UGT1A10: variants seen among roughly 807,000 people sequenced by gnomAD.
UGT1A10 encodes UDP glucuronosyltransferase family 1 member A10, also known as UDP-glucuronosyltransferase 1A10.
A neutral mutation model predicts 45.8 loss-of-function variants in UGT1A10; 49 were observed. The ratio of observed to expected loss-of-function variants is 1.07; its 90% CI spans 0.85 to 1.36. The LOEUF is 1.36. UGT1A10 is among the 40% of genes most tolerant of loss of function. The probability of loss-of-function intolerance (pLI) is 0.00; values close to 1 mark genes in which losing one functional copy is unlikely to be tolerated. For synonymous variants in UGT1A10, 284 were observed against 249.7 expected (o/e 1.14, Z -1.29); for missense variants, 745 against 668.6 (o/e 1.11, Z -1.26).
chr2:233,713,488 C>T (rs758374226), intron 1 of UGT1A10: 11 of 1,613,830 alleles, frequency 6.8e-6, no homozygotes, highest in Admixed American at 5.0e-5. Flanking sequence ...AAGTACCTGT[C>T]GATTCCTGCT....
rs1162571457 is a variant in UGT1A10, at chr2:233,687,640, C to T, written c.855+50263C>T. On this transcript the variant is annotated intron_variant, in intron 1 of 4. Transcript: ENST00000344644. ...AAAAAAGGCTGAGTGTGGTGGCTCA[C>T]ACATGTAATCACAGCACTTTAGGAG... Among the ~76,000 whole-genome samples the T allele has an allele frequency of 2.7e-5, 4 of 148,300 alleles. No homozygotes were observed. The South Asian group carries it at 6.4e-4, about 24-fold the overall frequency.
intron 1 of UGT1A10, 104 bp from the exon 2 acceptor site, chr2:233,766,930 T>G: frequency 1.9e-6 from 3 of 1,580,254 alleles, no homozygotes; most frequent in Admixed American, 1.8e-5. Flanking sequence ...ACGCATGCCT[T>G]TAATCATAGT....
chr2:233,652,061 G>A (rs2073756611), intron 1 of UGT1A10, among the ~76,000 whole-genome samples: 1 of 152,184 alleles, frequency 6.6e-6, no homozygotes, highest in Non-Finnish European at 1.5e-5. Flanking sequence ...TTGATGACTA[G>A]GTCCAGTAGG....
At chr2:233,681,083 C>G (rs1479456676) in intron 1 of UGT1A10, among the ~76,000 whole-genome samples, 1 of 151,734 alleles carries the variant, frequency 6.6e-6, no homozygotes, top group South Asian at 2.1e-4. Flanking sequence ...TGTGGCTCAC[C>G]TGTGTCTCTG....
chr2:233,647,158 G>A (rs918206406), intron 1 of UGT1A10, among the ~76,000 whole-genome samples: 3 of 152,098 alleles, frequency 2.0e-5, no homozygotes, highest in Non-Finnish European at 4.4e-5. Flanking sequence ...AACATCACGG[G>A]AAACGCCCAG....
intron 1 of UGT1A10, among the ~76,000 whole-genome samples, chr2:233,746,568 A>G (rs1299748110): frequency 6.6e-6 from 1 of 151,704 alleles, no homozygotes; most frequent in Non-Finnish European, 1.5e-5. Flanking sequence ...AGAGCACCAC[A>G]CCCTGTAATT....
intron 1 of UGT1A10, among the ~76,000 whole-genome samples, chr2:233,658,562 A>G (rs1351732754): frequency 1.3e-5 from 2 of 152,122 alleles, no homozygotes; most frequent in South Asian, 2.1e-4. Flanking sequence ...TGACTTTGAC[A>G]GTTTTGAGCA....
chr2:233,762,045 A>C (rs187851388), intron 1 of UGT1A10, among the ~76,000 whole-genome samples: 1 of 151,840 alleles, frequency 6.6e-6, no homozygotes, highest in African/African-American at 2.4e-5. Flanking sequence ...TTTTCTGTGC[A>C]TTTTCCTTCA....
chr2:233,672,623 T>C (rs2074233629), intron 1 of UGT1A10: 1 of 1,613,774 alleles, frequency 6.2e-7, no homozygotes, highest in African/African-American at 1.3e-5. Flanking sequence ...GCCCTAGAAA[T>C]AGCCTCTGAA....
chr2:233,730,749 A>G (rs1471085496), intron 1 of UGT1A10, among the ~76,000 whole-genome samples: 3 of 152,116 alleles, frequency 2.0e-5, no homozygotes, highest in Non-Finnish European at 2.9e-5. Context: ...TAGGGAGGAG[A>G]TAAGACTGTG....
chr2:233,737,601 C>T (rs2078898961), intron 1 of UGT1A10, among the ~76,000 whole-genome samples: 1 of 152,178 alleles, frequency 6.6e-6, no homozygotes, highest in African/African-American at 2.4e-5. Flanking sequence ...GAACCAGGTA[C>T]CTCAGTTGGA....
chr2:233,663,717 G>T (rs1375374475), intron 1 of UGT1A10, among the ~76,000 whole-genome samples: 1 of 152,148 alleles, frequency 6.6e-6, no homozygotes, highest in Non-Finnish European at 1.5e-5. Flanking sequence ...TATAAAATAA[G>T]TTTCTCCCAA....
chr2:233,637,262 A>G lies in UGT1A10; in HGVS notation c.740A>G (p.His247Arg). 6.2e-7 allele frequency: 1 copy of G among 1,613,978 alleles called. No individual in the cohort carries two copies. Among genetic ancestry groups the G allele is most frequent in the South Asian group, 1.1e-5 (1 of 91,078 alleles). ...TPVTAYDLYSHTSIWLLRTDF... is the reference protein window; with the variant it reads ...TPVTAYDLYSRTSIWLLRTDF... Reference sequence around the variant, plus strand: ...GTCACGGCATATGATCTCTACAGTCACACATCAATTTGGTTGTTGCGAACG... The same window carrying G: ...GTCACGGCATATGATCTCTACAGTCGCACATCAATTTGGTTGTTGCGAACG... The change falls in exon 1 of 5, where the codon CAC (histidine) becomes CGC (arginine). Residue 247 changes from histidine to arginine, a missense_variant. Physicochemically the swap from His to Arg is conservative, Grantham distance 29. Coordinates refer to ENST00000344644, the MANE Select transcript of UGT1A10 (RefSeq NM_019075.4).
chr2:233,682,274 T>C, intron 1 of UGT1A10: 1 of 1,614,202 alleles, frequency 6.2e-7, no homozygotes, highest in Non-Finnish European at 8.5e-7. Flanking sequence ...AACAAGTTCA[T>C]CCAATGGTAT....
At chr2:233,736,414 AC>A (rs1363284987) in intron 1 of UGT1A10, among the ~76,000 whole-genome samples, 6 of 152,024 alleles carry the variant, frequency 3.9e-5, no homozygotes, top group Non-Finnish European at 5.9e-5. Flanking sequence ...CATTCATCTA[AC>A]CTTTTTTCAA....
At chr2:233,689,776 T>A (rs1159047990) in intron 1 of UGT1A10, 3 of 333,486 alleles carry the variant, frequency 9.0e-6, no homozygotes, top group Non-Finnish European at 1.8e-5. Flanking sequence ...CTCGGGGACA[T>A]ATGTTATGAT....
intron 1 of UGT1A10, chr2:233,713,228 G>C (rs200357281): frequency 7.1e-5 from 114 of 1,614,178 alleles, no homozygotes; most frequent in South Asian, 3.1e-4. Flanking sequence ...CCCTGACAAC[G>C]TATGCCATTT....
intron 1 of UGT1A10, among the ~76,000 whole-genome samples, chr2:233,704,412 T>C (rs965264782): frequency 1.8e-4 from 28 of 152,182 alleles, no homozygotes; most frequent in African/African-American, 6.5e-4. Context: ...TTCAGATTTA[T>C]ACCAACTTAA....
At chr2:233,719,012 G>T (rs763830494) in intron 1 of UGT1A10, 1 of 1,614,092 alleles carries the variant, frequency 6.2e-7, no homozygotes, top group African/African-American at 1.3e-5. Flanking sequence ...TCACCCCAGA[G>T]GTGAATATGC....
Sources: allele counts gnomAD v4.1 joint callset (sites outside exome capture counted in the v4.1 genomes callset), GRCh38; gene constraint gnomAD v4.1.1; transcripts MANE v1.5; gene names NCBI Gene and HGNC (gene_info 2026-07-23, HGNC 2026-07-21).